The following SNF8 variants were observed in gnomAD, a reference collection of about 807,000 sequenced individuals.
SNF8 encodes the protein SNF8 subunit of ESCRT-II.
In SNF8, 19 loss-of-function variants were observed where a neutral mutation model predicts 36.8. The observed-to-expected ratio is 0.52, with a 90% CI of 0.36 to 0.76. The LOEUF is 0.76. Among genes scored for constraint, SNF8 ranks in the 30% least tolerant of loss-of-function variants. The probability of loss-of-function intolerance (pLI) is 0.00; values close to 1 mark genes in which losing one functional copy is unlikely to be tolerated. For missense variants in SNF8, 268 were observed against 322.9 expected (o/e 0.83, Z 1.30); for synonymous variants, 127 against 127.4 (o/e 1.00, Z 0.02).
At chr17:48,936,308 T>C (rs2040933568) in intron 4 of SNF8, 66 bp from the exon 5 acceptor site, 1 of 1,296,662 alleles carries the variant, frequency 7.7e-7, no homozygotes, top group Admixed American at 1.8e-5. Flanking sequence ...TTGACAGTCA[T>C]TACAATTCCA....
At chr17:48,941,916 C>G (rs2041032845) in intron 2 of SNF8, among the ~76,000 whole-genome samples, 1 of 152,024 alleles carries the variant, frequency 6.6e-6, no homozygotes, top group African/African-American at 2.4e-5. Flanking sequence ...GTCTCAAATT[C>G]CTGACCTCAA....
In SNF8 at chr17:48,941,073, G is replaced by A; in HGVS notation, c.106-11C>T. On this transcript the variant is annotated splice_polypyrimidine_tract_variant and intron_variant, in intron 2 of 7. Transcript: ENST00000502492. Reference sequence around the variant, plus strand: ...CAACTGCTTTGACATCTGTTGGATGGACAGGGAGTGGTGAAGGGCAGCCCA... The same window carrying A: ...CAACTGCTTTGACATCTGTTGGATGAACAGGGAGTGGTGAAGGGCAGCCCA... 6.2e-7 allele frequency: 1 copy of A among 1,611,898 alleles called. No individual in the cohort carries two copies.
intron 1 of SNF8, 77 bp downstream of exon 1, chr17:48,944,604 G>T: frequency 1.4e-6 from 2 of 1,474,894 alleles, no homozygotes; most frequent in Middle Eastern, 1.7e-4. Context: ...GTGATTAACG[G>T]GTAGGACACT....
At position 48,930,576 on chromosome 17, in the gene SNF8, A is replaced by C; in HGVS notation, c.676T>G (p.Leu226Val). 1 of 1,613,950 alleles carries C rather than the reference A, an allele frequency of 6.2e-7. No homozygotes were observed. Among genetic ancestry groups the C allele is most frequent in the South Asian group, 1.1e-5 (1 of 91,062 alleles). ...LLKEGLAWLD[L>V]QAPGEAHYWL... ...TAGTGGGCCTCCCCTGGGGCCTGTA[A>C]GTCCAGCCACGCCAACCCTTCCTTC... The change falls in exon 8 of 8, where the codon TTA (leucine) becomes GTA (valine). Residue 226 changes from leucine to valine, a missense_variant. By Grantham distance (32) the Leu-to-Val change is conservative. Coordinates refer to ENST00000502492, the MANE Select transcript of SNF8 (RefSeq NM_007241.4).
intron 5 of SNF8, 135 bp downstream of exon 5, chr17:48,936,024 GTTTTTTGTTTT>G: frequency 1.7e-6 from 1 of 603,734 alleles, no homozygotes; most frequent in Non-Finnish European, 2.8e-6. Context: ...TTTTTTGTTT[GTTTTTTGTTTT>G]TTTTTTTCCT....
intron 1 of SNF8, chr17:48,944,232 G>A (rs2041072012): frequency 2.2e-6 from 1 of 454,776 alleles, no homozygotes; most frequent in Non-Finnish European, 4.1e-6. Context: ...AACCCTGGAG[G>A]TGGAGGTTGC....
chr17:48,943,601 C>G (rs559779340), intron 2 of SNF8, among the ~76,000 whole-genome samples: 1 of 70,188 alleles, frequency 1.4e-5, no homozygotes, highest in East Asian at 4.3e-4. Flanking sequence ...GAGCAAGACT[C>G]CCTCAAAAAA....
rs1598094078 is a variant in SNF8, at chr17:48,942,819, A to G, written c.105+1106T>C. Among the ~76,000 whole-genome samples the G allele has an allele frequency of 6.8e-5, 9 of 132,542 alleles. No homozygotes were observed. The East Asian group carries it at 1.1e-3, about 16-fold the overall frequency. The allele number at this position is 132,542 out of a possible 152,430, so 87.0% of individuals were successfully genotyped here. A position where few individuals can be genotyped will look rare whatever the true frequency, so the allele number is the denominator to read the frequency against. On this transcript the variant is annotated intron_variant, in intron 2 of 7. Transcript: ENST00000502492. Reference sequence around the variant, plus strand: ...CACCTCGGCCTCCCAAAGTGCTGGGATTACAGGCGTTAGCCACCGCACCCG... The same window carrying G: ...CACCTCGGCCTCCCAAAGTGCTGGGGTTACAGGCGTTAGCCACCGCACCCG...
rs2041017182 is a variant in SNF8, at chr17:48,941,125, C to G, written c.106-63G>C. ...CCAAATGATAATCAGATGCCAAAAA[C>G]AGGTCCCCAGCCCTGTGGCAGGGCA... On this transcript the variant is annotated intron_variant, in intron 2 of 7. Transcript: ENST00000502492. 4 of 1,585,808 alleles carry G rather than the reference C, an allele frequency of 2.5e-6. No homozygotes were observed. In the East Asian group the frequency reaches 9.0e-5, roughly 36 times the overall value.
intron 7 of SNF8, 41 bp from the exon 8 acceptor site, chr17:48,930,653 G>T: frequency 6.3e-7 from 1 of 1,597,620 alleles, no homozygotes. Context: ...AGAACAGGGA[G>T]GTTCCATAGA....
Position 48,937,050 on chromosome 17 carries a change from C to A in SNF8, c.319G>T (p.Val107Leu), listed in dbSNP as rs778440474. The change falls in exon 4 of 8, where the codon GTG becomes TTG. Residue 107 changes from valine (V) to leucine (L), a missense_variant. Coordinates refer to ENST00000502492, the MANE Select transcript of SNF8 (RefSeq NM_007241.4). ...TTCCGATGCTTCAGCGCCAGGCACA[C>A]TTCGATAATTTGGACACCTAGTTCG... ...YYELGVQIIE[V>L]CLALKHRNGG... 5 of 1,614,030 alleles carry A rather than the reference C, an allele frequency of 3.1e-6. No homozygotes were observed. In the East Asian group the frequency reaches 1.1e-4, roughly 36 times the overall value.
intron 3 of SNF8, among the ~76,000 whole-genome samples, chr17:48,940,387 C>A (rs758186008): frequency 5.9e-5 from 9 of 152,012 alleles, no homozygotes; most frequent in African/African-American, 2.2e-4. Flanking sequence ...ATAAAAAATT[C>A]TACTGTAGAT....
rs768746564 is a variant in SNF8, at chr17:48,933,217, C to G, written c.552G>C (p.Leu184=). Residue 184 remains leucine, a synonymous_variant, in exon 6 of 8, where the codon CTG becomes CTC. Coordinates refer to ENST00000502492, the MANE Select transcript of SNF8 (RefSeq NM_007241.4). ...AELNMDHTVV[L]QLAEKNGYVT... is the part of the protein sequence containing the mutation. Reference sequence around the variant, plus strand: ...GGTGCACCAGTACCTCTGCCAGCTGCAGCACCACGGTGTGATCCATATTGA... The same window carrying G: ...GGTGCACCAGTACCTCTGCCAGCTGGAGCACCACGGTGTGATCCATATTGA... The G allele has an allele frequency of 1.2e-6, 2 of 1,613,574 alleles. No individual in the cohort carries two copies. The highest frequency in any genetic ancestry group is 2.2e-5 in the South Asian group (2 of 91,044).
chr17:48,936,220 T>C lies in SNF8; in HGVS notation c.372A>G (p.Leu124=), dbSNP rs766789868. 6.2e-7 allele frequency: 1 copy of C among 1,613,870 alleles called. No individual in the cohort carries two copies. Among genetic ancestry groups the C allele is most frequent in the East Asian group, 2.2e-5 (1 of 44,882 alleles). The change falls in exon 5 of 8, where the codon CTA becomes CTG. Residue 124 remains leucine (L), a synonymous_variant. Transcript: ENST00000502492. ...RNGGLITLEE[L]HQQVLKGRGK... Reference sequence around the variant, plus strand: ...CCCTTCCCTTCAACACCTGTTGATGTAGTTCCTCCAAAGTTATCAGACCTG... The same window carrying C: ...CCCTTCCCTTCAACACCTGTTGATGCAGTTCCTCCAAAGTTATCAGACCTG...
Position 48,941,073 on chromosome 17 carries a change from G to T in SNF8, c.106-11C>A. 1 of 1,611,896 alleles carries T rather than the reference G, an allele frequency of 6.2e-7. No individual in the cohort carries two copies. The highest frequency in any genetic ancestry group is 8.5e-7 in the Non-Finnish European group (1 of 1,178,394). On this transcript the variant is annotated splice_polypyrimidine_tract_variant and intron_variant, in intron 2 of 7. Coordinates refer to ENST00000502492, the MANE Select transcript of SNF8 (RefSeq NM_007241.4). ...CAACTGCTTTGACATCTGTTGGATG[G>T]ACAGGGAGTGGTGAAGGGCAGCCCA...
At position 48,940,955 on chromosome 17, in the gene SNF8, CAT is replaced by C. The variant is rs777394444; in HGVS notation, c.211_212del (p.Met71ValfsTer18). On this transcript the variant is annotated frameshift_variant, in exon 3 of 8. Coordinates refer to ENST00000502492, the MANE Select transcript of SNF8 (RefSeq NM_007241.4). LOFTEE classifies it high-confidence loss of function. Reference sequence around the variant, plus strand: ...GCGGATCCACGCCAATGGTTGCACACATGTCCTGGAACTGCACACGGAACTCA... The same window carrying C: ...GCGGATCCACGCCAATGGTTGCACACGTCCTGGAACTGCACACGGAACTCA... Reference protein sequence around the residue: ...NPEFRVQFQDMCATIGVDPLA... With the variant: ...NPEFRVQFQDXCATIGVDPLA... The C allele has an allele frequency of 1.9e-6, 3 of 1,612,756 alleles. No homozygotes were observed. The highest frequency in any genetic ancestry group is 1.7e-6 in the Non-Finnish European group (2 of 1,180,012).
intron 2 of SNF8, among the ~76,000 whole-genome samples, chr17:48,941,483 T>C (rs1239605004): frequency 6.6e-6 from 1 of 152,066 alleles, no homozygotes; most frequent in African/African-American, 2.4e-5. Flanking sequence ...GGGAATGCAG[T>C]GTTCACCCAT....
chr17:48,942,094 T>G (rs2041037301), intron 2 of SNF8, among the ~76,000 whole-genome samples: 1 of 152,130 alleles, frequency 6.6e-6, no homozygotes, highest in African/African-American at 2.4e-5. Flanking sequence ...GGACTGTAAT[T>G]TGCCAGATTC....
At chr17:48,934,764 A>C (rs916871593) in intron 5 of SNF8, among the ~76,000 whole-genome samples, 6 of 152,116 alleles carry the variant, frequency 3.9e-5, no homozygotes, top group African/African-American at 1.4e-4. Context: ...TACACTGCCC[A>C]GACTGGTCTC....
Sources: gnomAD v4.1 joint callset for allele counts (sites outside exome capture counted in the v4.1 genomes callset) on GRCh38, gnomAD v4.1.1 for gene constraint, MANE v1.5 for transcripts, NCBI Gene and HGNC (gene_info 2026-07-23, HGNC 2026-07-21) for gene names.